CS: variants seen among roughly 807,000 people sequenced by gnomAD.
The protein encoded by CS is citrate synthase, mitochondrial.
CS carries 13 observed loss-of-function variants against 61.4 expected under a neutral mutation model. The ratio of observed to expected loss-of-function variants is 0.21; its 90% CI spans 0.14 to 0.34. The LOEUF is 0.34. Ranked by LOEUF, CS falls within the 10% of genes least tolerant of loss-of-function variation. CS has a pLI of 1.00. For missense variants in CS, 278 were observed against 573.4 expected (o/e 0.48, Z 5.26); for synonymous variants, 159 against 215.2 (o/e 0.74, Z 2.29).
chr12:56,272,005 T>G lies in CS; in HGVS notation c.*1079A>C, dbSNP rs1872530580. On this transcript the variant is annotated 3_prime_UTR_variant, in exon 11 of 11. Coordinates refer to ENST00000351328, the MANE Select transcript of CS (RefSeq NM_004077.3). ...AAGGGAGGAAAAAGATGTTGATAAA[T>G]AAGGAGGCAATTTCTTGAGGCAGGG... 2 of 426,360 alleles carry G rather than the reference T, an allele frequency of 4.7e-6. No individual in the cohort carries two copies. Among genetic ancestry groups the G allele is most frequent in the Admixed American group, 2.7e-5 (1 of 37,606 alleles). The allele number at this position is 426,360 out of a possible 1,614,324, so 26.4% of individuals were successfully genotyped here. A position where few individuals can be genotyped will look rare whatever the true frequency, so the allele number is the denominator to read the frequency against.
At position 56,290,362 on chromosome 12, in the gene CS, C is replaced by A. The variant is rs142922771; in HGVS notation, c.43-3717G>T. On this transcript the variant is annotated intron_variant, in intron 1 of 10. Coordinates refer to ENST00000351328, the MANE Select transcript of CS (RefSeq NM_004077.3). ...GAGTAGCTAAGATTACAGGTGCACA[C>A]CAACACACCCGGCTAATTTTTTGTA... Among the ~76,000 whole-genome samples, 11 of 152,164 alleles carry A rather than the reference C, an allele frequency of 7.2e-5. No individual in the cohort carries two copies. The East Asian group carries it at 1.9e-3, about 27-fold the overall frequency.
At chr12:56,295,783 T>A (rs1189383324) in intron 1 of CS, among the ~76,000 whole-genome samples, 4 of 150,882 alleles carry the variant, frequency 2.7e-5, no homozygotes, top group Non-Finnish European at 5.9e-5. Context: ...TGAAACCCTG[T>A]CTCTACTAAA....
chr12:56,288,346 A>ATTTTTTT (rs1164867172), intron 1 of CS, among the ~76,000 whole-genome samples: 3 of 123,148 alleles, frequency 2.4e-5, no homozygotes, highest in Non-Finnish European at 3.4e-5. Context: ...GCTTTTTAGA[A>ATTTTTTT]TTTTTTTTTT....
In CS at chr12:56,275,131, A is replaced by G; in HGVS notation, c.789T>C (p.Ser263=). Residue 263 remains serine, a splice_region_variant and synonymous_variant, in exon 8 of 11, where the codon AGT becomes AGC. Coordinates refer to ENST00000351328, the MANE Select transcript of CS (RefSeq NM_004077.3). Reference sequence around the variant, plus strand: ...CACTTACATTGCCACCCTCATGGTCACTGTGGGGAAGTAAGAAGGGAGAGC... The same window carrying G: ...CACTTACATTGCCACCCTCATGGTCGCTGTGGGGAAGTAAGAAGGGAGAGC... ...ELTRLYLTIH[S]DHEGGNVSAH... The G allele has an allele frequency of 6.2e-7, 1 of 1,614,126 alleles. No individual in the cohort carries two copies. The highest frequency in any genetic ancestry group is 8.5e-7 in the Non-Finnish European group (1 of 1,180,006).
chr12:56,273,727 C>G lies in CS; in HGVS notation c.1090G>C (p.Ala364Pro). 6.2e-7 allele frequency: 1 copy of G among 1,614,192 alleles called. No homozygotes were observed. The highest frequency in any genetic ancestry group is 2.2e-5 in the East Asian group (1 of 44,886). The change falls in exon 10 of 11, where the codon GCT (alanine) becomes CCT (proline). Residue 364 changes from alanine (A) to proline (P), a missense_variant. Around this residue, in one of 2 missense-constraint regions of CS, gnomAD observed 223 missense variants for 503.5 expected, o/e 0.44. Coordinates refer to ENST00000351328, the MANE Select transcript of CS (RefSeq NM_004077.3). ...DPRYTCQREF[A>P]LKHLPNDPMF... ...GGGTCATTAGGCAGGTGTTTCAGAG[C>G]AAACTCTCGCTGACAGGTATATCGC...
Position 56,282,878 on chromosome 12 carries a change from A to G in CS, c.381T>C (p.His127=). 6.2e-7 allele frequency: 1 copy of G among 1,614,200 alleles called. No homozygotes were observed. Among genetic ancestry groups the G allele is most frequent in the South Asian group, 1.1e-5 (1 of 91,088 alleles). ...EGLFWLLVTG[H]IPTEEQVSWL... is the part of the protein sequence containing the mutation. ...GCTTTACCTGTTCCTCTGTTGGGAT[A>G]TGTCCAGTTACCAGCAGCCAAAATA... Residue 127 remains histidine (H), a synonymous_variant, in exon 5 of 11, where the codon CAT becomes CAC. Transcript: ENST00000351328.
At chr12:56,284,847 C>T (rs1441022158) in intron 3 of CS, among the ~76,000 whole-genome samples, 70 of 148,818 alleles carry the variant, frequency 4.7e-4, no homozygotes, top group African/African-American at 1.6e-3. Context: ...TGTAGTGAGC[C>T]GAGATCACGT....
At chr12:56,275,683 C>T in intron 7 of CS, 1 of 416,116 alleles carries the variant, frequency 2.4e-6, no homozygotes. Context: ...TCCATGACTC[C>T]AACCTAGCTT....
intron 1 of CS, among the ~76,000 whole-genome samples, chr12:56,294,922 C>T (rs556807120): frequency 2.0e-5 from 3 of 151,944 alleles, no homozygotes; most frequent in Admixed American, 6.6e-5. Context: ...GCAGCTGCCA[C>T]GATTGGCTGA....
chr12:56,288,767 G>A (rs1485250414), intron 1 of CS, among the ~76,000 whole-genome samples: 1 of 151,480 alleles, frequency 6.6e-6, no homozygotes, highest in Non-Finnish European at 1.5e-5. Context: ...TTCCACCTCA[G>A]CCTCCTGAGT....
Position 56,275,094 on chromosome 12 carries a change from G to A in CS, c.826C>T (p.His276Tyr), listed in dbSNP as rs1262392163. ...TCGGAAAGGGCACTGCCCACCAAAT[G>A]GCTGGTATGGGCACTTACATTGCCA... The part of the protein sequence containing the change: ...EGGNVSAHTS[H>Y]LVGSALSDPY... Residue 276 changes from histidine (H) to tyrosine (Y), a missense_variant, in exon 8 of 11, where the codon CAT becomes TAT. His to Tyr is a moderately conservative substitution (Grantham distance 83). Coordinates refer to ENST00000351328, the MANE Select transcript of CS (RefSeq NM_004077.3). 6.2e-7 allele frequency: 1 copy of A among 1,614,204 alleles called. No homozygotes were observed. Among genetic ancestry groups the A allele is most frequent in the Non-Finnish European group, 8.5e-7 (1 of 1,180,026 alleles).
chr12:56,283,296 T>C (rs1360588821), intron 4 of CS, among the ~76,000 whole-genome samples: 2 of 152,072 alleles, frequency 1.3e-5, no homozygotes, highest in African/African-American at 4.8e-5. Context: ...CAGGCTGGAG[T>C]GCAGTGGTGC....
In CS at chr12:56,275,767, T is replaced by C. The variant is rs116081724; in HGVS notation, c.788+229A>G. The C allele has an allele frequency of 5.8e-4, 328 of 563,468 alleles. 2 individuals carry two copies. The highest frequency in any genetic ancestry group is 5.5e-3 in the African/African-American group (290 of 53,126). 34.9% of individuals were successfully genotyped at this position (563,468 alleles called of 1,614,324 possible). A position where few individuals can be genotyped will look rare whatever the true frequency, so the allele number is the denominator to read the frequency against. On this transcript the variant is annotated intron_variant, in intron 7 of 10. Transcript: ENST00000351328. ...TCTAATGTGAGCAGCTAGTACCTTT[T>C]CCCAGCCAGAAGCACCATCTTGTTC... is the stretch of plus-strand genomic sequence containing the variant.
At chr12:56,286,304 A>G (rs1872937572) in intron 2 of CS, 1 of 532,074 alleles carries the variant, frequency 1.9e-6, no homozygotes, top group Admixed American at 3.5e-5. Context: ...TAAACCATAT[A>G]CTTAAAAATG....
intron 10 of CS, 106 bp from the exon 11 acceptor site, chr12:56,273,360 G>A (rs1592404446): frequency 8.2e-7 from 1 of 1,226,130 alleles, no homozygotes; most frequent in East Asian, 2.5e-5. Context: ...TTTTCTCCAA[G>A]GACTTAGCCC....
At chr12:56,290,763 C>T (rs1873096810) in intron 1 of CS, among the ~76,000 whole-genome samples, 1 of 152,126 alleles carries the variant, frequency 6.6e-6, no homozygotes, top group Non-Finnish European at 1.5e-5. Flanking sequence ...ATTAAGACAA[C>T]CAAAGGAAAA....
In CS at chr12:56,276,163, T is replaced by G; in HGVS notation, c.621A>C (p.Ala207=). 1 of 1,614,176 alleles carries G rather than the reference T, an allele frequency of 6.2e-7. No individual in the cohort carries two copies. The highest frequency in any genetic ancestry group is 8.5e-7 in the Non-Finnish European group (1 of 1,180,034). Residue 207 remains alanine (A), a synonymous_variant, in exon 7 of 11, where the codon GCA becomes GCC. Transcript: ENST00000351328. Reference sequence around the variant, plus strand: ...TCTTTGCTGCAACACAAGGTAGCTTTGCGATTAGATCCATAGAGTCTTCAT... The same window carrying G: ...TCTTTGCTGCAACACAAGGTAGCTTGGCGATTAGATCCATAGAGTCTTCAT... ...LIYEDSMDLI[A]KLPCVAAKIY...
At chr12:56,292,666 T>C (rs988685630) in intron 1 of CS, among the ~76,000 whole-genome samples, 2 of 142,272 alleles carry the variant, frequency 1.4e-5, no homozygotes, top group Non-Finnish European at 3.0e-5. Flanking sequence ...AGGCGGATCA[T>C]GATGTCAGGA....
rs1872846733 is a variant in CS, at chr12:56,283,784, T to A, written c.267+8A>T. On this transcript the variant is annotated splice_region_variant and intron_variant, in intron 4 of 10. Transcript: ENST00000351328. ...TGATTATTAGTAATTGACATGAAGA[T>A]GTCTTACCTCATCAGGATCAAGAAC... 6.2e-7 allele frequency: 1 copy of A among 1,603,060 alleles called. No homozygotes were observed.
Sources: gnomAD v4.1 joint callset for allele counts (sites outside exome capture counted in the v4.1 genomes callset) on GRCh38, gnomAD v4.1.1 for gene constraint, gnomAD v4.1.1 regional missense constraint, MANE v1.5 for transcripts, NCBI Gene and HGNC (gene_info 2026-07-23, HGNC 2026-07-21) for gene names.